The following RNFT2 variants were observed in gnomAD, a reference collection of about 807,000 sequenced individuals.
RNFT2 encodes E3 ubiquitin-protein ligase RNFT2.
A neutral mutation model predicts 53.0 loss-of-function variants in RNFT2; 36 were observed. The ratio of observed to expected loss-of-function variants is 0.68; its 90% CI spans 0.52 to 0.90. The LOEUF is 0.90. RNFT2 is among the 40% of genes least tolerant of loss of function. The pLI is 0.00. For synonymous variants in RNFT2, 260 were observed against 253.2 expected (o/e 1.03, Z -0.26); for missense variants, 514 against 585.6 (o/e 0.88, Z 1.26).
At chr12:116,784,508 G>C (rs1406931768) in intron 7 of RNFT2, among the ~76,000 whole-genome samples, 1 of 152,164 alleles carries the variant, frequency 6.6e-6, no homozygotes, top group East Asian at 1.9e-4. Context: ...GCCTAGGGAG[G>C]CTCTTTCATC....
rs1332400060 is a variant in RNFT2, at chr12:116,836,282, G to A, written c.1200G>A (p.Gln400=). 1.9e-6 allele frequency: 3 copies of A among 1,567,244 alleles called. No homozygotes were observed. The highest frequency in any genetic ancestry group is 2.6e-6 in the Non-Finnish European group (3 of 1,155,938). Residue 400 remains glutamine (Q), a splice_region_variant and synonymous_variant, in exon 10 of 11, where the codon CAG becomes CAA. Transcript: ENST00000257575. ...EFREPLILLC[Q]HVFCEECLCL... is the part of the protein sequence containing the mutation. Reference sequence around the variant, plus strand: ...GAGAGCCTCTGATTCTCCTGTGCCAGGTGAGCAGGGCTCAGGCGGGACCAT... The same window carrying A: ...GAGAGCCTCTGATTCTCCTGTGCCAAGTGAGCAGGGCTCAGGCGGGACCAT...
intron 7 of RNFT2, among the ~76,000 whole-genome samples, chr12:116,833,168 C>T (rs1876771054): frequency 1.3e-5 from 2 of 152,132 alleles, no homozygotes; most frequent in South Asian, 4.1e-4. Flanking sequence ...ATCCACCTGC[C>T]TGGGCCTCCC....
rs893291078 is a variant in RNFT2, at chr12:116,751,811, T to G, written c.550+1504T>G. ...GTCTCACTCTGTCACCAGGCTGGAGTGCAGTGGCACGATCTCAGCTCACTG... is the reference window on the plus strand; with the variant it reads ...GTCTCACTCTGTCACCAGGCTGGAGGGCAGTGGCACGATCTCAGCTCACTG... On this transcript the variant is annotated intron_variant, in intron 4 of 10. Transcript: ENST00000257575. 5.3e-5 allele frequency among the ~76,000 whole-genome samples: 8 copies of G among 151,994 alleles called. No individual in the cohort carries two copies. In the South Asian group the frequency reaches 1.7e-3, roughly 31 times the overall value.
intron 5 of RNFT2, among the ~76,000 whole-genome samples, chr12:116,760,860 T>A (rs1361551873): frequency 6.6e-6 from 1 of 152,128 alleles, no homozygotes; most frequent in African/African-American, 2.4e-5. Context: ...TCCGCCATGA[T>A]CTCACCAAAA....
At chr12:116,740,285 C>A in intron 1 of RNFT2, 60 bp from the exon 2 acceptor site, 1 of 557,028 alleles carries the variant, frequency 1.8e-6, no homozygotes. Flanking sequence ...TGTCCTAAGG[C>A]TTCTTAGCAG....
At chr12:116,771,488 A>T (rs370870549) in intron 6 of RNFT2, among the ~76,000 whole-genome samples, 66,408 of 98,756 alleles carry the variant, frequency 0.67, 25,862 homozygotes, top group Non-Finnish European at 0.79. Flanking sequence ...AAAAAAAAAA[A>T]AAAAAAATAC....
intron 7 of RNFT2, among the ~76,000 whole-genome samples, chr12:116,808,853 C>T (rs1233902736): frequency 6.6e-6 from 1 of 152,112 alleles, no homozygotes; most frequent in Non-Finnish European, 1.5e-5. Context: ...CCCTGGCTCC[C>T]CCACTCTCAC....
Position 116,750,339 on chromosome 12 carries a change from T to C in RNFT2, c.550+32T>C, listed in dbSNP as rs567362276. Reference sequence around the variant, plus strand: ...TCTGGGGGCATGGGTGTCCTAGCCATGGGCTTCACAGGCAGGCTGCCTGCA... The same window carrying C: ...TCTGGGGGCATGGGTGTCCTAGCCACGGGCTTCACAGGCAGGCTGCCTGCA... On this transcript the variant is annotated intron_variant, in intron 4 of 10. Coordinates refer to ENST00000257575, the MANE Select transcript of RNFT2 (RefSeq NM_001382266.1). 4.0e-5 allele frequency: 62 copies of C among 1,567,210 alleles called. 1 individual carries two copies. The South Asian group carries it at 6.5e-4, about 16-fold the overall frequency.
chr12:116,740,593 G>A (rs1476207704), intron 2 of RNFT2, 72 bp downstream of exon 2: 1 of 1,415,224 alleles, frequency 7.1e-7, no homozygotes, highest in East Asian at 2.5e-5. Flanking sequence ...AGGAAGTTTT[G>A]GTTTGACCAC....
intron 4 of RNFT2, among the ~76,000 whole-genome samples, chr12:116,750,905 TA>T (rs1457820667): frequency 0.015 from 110 of 7,444 alleles, 1 homozygote; most frequent in Admixed American, 0.03. Context: ...TATATATATA[TA>T]TATTTTTTTT....
At position 116,853,025 on chromosome 12, in the gene RNFT2, G is replaced by T. The variant is rs1878000336; in HGVS notation, c.*3577G>T. On this transcript the variant is annotated 3_prime_UTR_variant, in exon 11 of 11. Transcript: ENST00000257575. ...GGGGCAGATGGGATGGTTTAGTTTAGGATTTTATTAGTGCATGCCCTACCC... is the reference window on the plus strand; with the variant it reads ...GGGGCAGATGGGATGGTTTAGTTTATGATTTTATTAGTGCATGCCCTACCC... 1 of 473,330 alleles carries T rather than the reference G, an allele frequency of 2.1e-6. No homozygotes were observed. Among genetic ancestry groups the T allele is most frequent in the East Asian group, 3.2e-5 (1 of 31,288 alleles). 29.3% of individuals were successfully genotyped at this position (473,330 alleles called of 1,614,324 possible). A position where few individuals can be genotyped will look rare whatever the true frequency, so the allele number is the denominator to read the frequency against.
intron 3 of RNFT2, among the ~76,000 whole-genome samples, chr12:116,743,235 A>C (rs1196205728): frequency 2.6e-5 from 3 of 115,062 alleles, no homozygotes; most frequent in African/African-American, 9.2e-5. Flanking sequence ...AAAAAAAAAA[A>C]AAAAAAAAAC....
chr12:116,838,112 T>C (rs1309968753), intron 10 of RNFT2, among the ~76,000 whole-genome samples: 15 of 152,210 alleles, frequency 9.9e-5, no homozygotes. Flanking sequence ...AGATTGCTCC[T>C]TATCCTATTT....
chr12:116,755,578 A>C, intron 5 of RNFT2: 1 of 866,992 alleles, frequency 1.2e-6, no homozygotes, highest in Non-Finnish European at 2.0e-6. Context: ...CTCGGCTCTC[A>C]GAGTGCTTAA....
intron 10 of RNFT2, among the ~76,000 whole-genome samples, chr12:116,843,574 A>G (rs893305727): frequency 1.4e-4 from 21 of 149,642 alleles, no homozygotes; most frequent in African/African-American, 4.9e-4. Flanking sequence ...CCCACTGCCC[A>G]TCAATCCACC....
intron 7 of RNFT2, among the ~76,000 whole-genome samples, chr12:116,781,670 C>T (rs113307712): frequency 5.3e-5 from 8 of 152,182 alleles, no homozygotes; most frequent in African/African-American, 1.7e-4. Context: ...TTATAAGGAC[C>T]CTGTGATGAC....
In RNFT2 at chr12:116,833,296, G is replaced by A. The variant is rs140880449; in HGVS notation, c.883-496G>A. On this transcript the variant is annotated intron_variant, in intron 7 of 10. Transcript: ENST00000257575. ...CAGGTGGTGGAGCTAGGAAGGACAC[G>A]TATCTCCCCGCTTTGGGCCTTATTG... is the stretch of plus-strand genomic sequence containing the variant. Among the ~76,000 whole-genome samples, 38 of 152,262 alleles carry A rather than the reference G, an allele frequency of 2.5e-4. No individual in the cohort carries two copies. The East Asian group carries it at 6.2e-3, about 25-fold the overall frequency.
At chr12:116,832,670 C>T (rs1876737803) in intron 7 of RNFT2, among the ~76,000 whole-genome samples, 1 of 152,090 alleles carries the variant, frequency 6.6e-6, no homozygotes, top group African/African-American at 2.4e-5. Context: ...ACAACACAGG[C>T]CACAGAAAGC....
intron 6 of RNFT2, among the ~76,000 whole-genome samples, chr12:116,778,888 T>C (rs1350405559): frequency 6.6e-6 from 1 of 152,122 alleles, no homozygotes; most frequent in East Asian, 1.9e-4. Flanking sequence ...CTTTCCTCTA[T>C]AAGTTACCCA....
Sources: allele counts gnomAD v4.1 joint callset (sites outside exome capture counted in the v4.1 genomes callset), GRCh38; gene constraint gnomAD v4.1.1; transcripts MANE v1.5; gene names NCBI Gene and HGNC (gene_info 2026-07-23, HGNC 2026-07-21).